LNX2: variants seen among roughly 807,000 people sequenced by gnomAD.
LNX2 encodes the protein ligand of numb-protein X 2, also known as ligand of Numb protein X 2.
Under a neutral mutation model 66.2 loss-of-function variants are expected in LNX2, and 35 were observed. The ratio of observed to expected loss-of-function variants is 0.53; its 90% confidence interval spans 0.40 to 0.70. The LOEUF is 0.70. Ranked by LOEUF, LNX2 falls within the 30% of genes least tolerant of loss-of-function variation. LNX2 has a pLI of 0.00. For missense variants in LNX2, 791 were observed against 850.8 expected (o/e 0.93, Z 0.87); for synonymous variants, 337 against 315.6 (o/e 1.07, Z -0.72).
chr13:27,547,941 T>C lies in LNX2; in HGVS notation c.*394A>G, dbSNP rs1462729859. On this transcript the variant is annotated 3_prime_UTR_variant, in exon 10 of 10. Coordinates refer to ENST00000316334, the MANE Select transcript of LNX2 (RefSeq NM_153371.4). ...TGACAGTGGCAGTACACGCTGTTGT[T>C]ACTGGCTTTGCTGACATCAGGCCTG... 5.4e-6 allele frequency: 1 copy of C among 183,910 alleles called. No individual in the cohort carries two copies. The highest frequency in any genetic ancestry group is 1.2e-5 in the Non-Finnish European group (1 of 86,876). 11.4% of individuals were successfully genotyped at this position (183,910 alleles called of 1,614,324 possible).
intron 1 of LNX2, among the ~76,000 whole-genome samples, chr13:27,616,131 T>G (rs1176094089): frequency 8.5e-6 from 1 of 118,330 alleles, no homozygotes; most frequent in Non-Finnish European, 1.6e-5. Context: ...AGAAATACAT[T>G]GGTTTGGTCC....
Position 27,562,787 on chromosome 13 carries a change from A to G in LNX2, c.856-6T>C. 6.3e-7 allele frequency: 1 copy of G among 1,593,130 alleles called. No homozygotes were observed. The highest frequency in any genetic ancestry group is 8.6e-7 in the Non-Finnish European group (1 of 1,168,056). Reference sequence around the variant, plus strand: ...CTGATATTGTAGTTGTTGACCTAGAAAAAAAGAATTGTGACCGAAGTGTGA... The same window carrying G: ...CTGATATTGTAGTTGTTGACCTAGAGAAAAAGAATTGTGACCGAAGTGTGA... On this transcript the variant is annotated splice_polypyrimidine_tract_variant and splice_region_variant and intron_variant, in intron 4 of 9. Transcript: ENST00000316334.
Position 27,594,233 on chromosome 13 carries a change from T to C in LNX2, c.-100-12430A>G, listed in dbSNP as rs140155925. On this transcript the variant is annotated intron_variant, in intron 1 of 9. Coordinates refer to ENST00000316334, the MANE Select transcript of LNX2 (RefSeq NM_153371.4). Reference sequence around the variant, plus strand: ...AGCTAAATTAAACATATGATTATTATCCTTAGTTATCTTGTGAAGTGTCTG... The same window carrying C: ...AGCTAAATTAAACATATGATTATTACCCTTAGTTATCTTGTGAAGTGTCTG... Among the ~76,000 whole-genome samples the C allele has an allele frequency of 3.3e-4, 51 of 152,334 alleles. No homozygotes were observed. In the East Asian group the frequency reaches 9.8e-3, roughly 29 times the overall value.
intron 8 of LNX2, among the ~76,000 whole-genome samples, chr13:27,551,153 C>T (rs928993976): frequency 1.3e-5 from 2 of 151,710 alleles, no homozygotes; most frequent in African/African-American, 4.8e-5. Flanking sequence ...CTGGGTACAG[C>T]GTCATGTGTC....
At chr13:27,605,071 G>T (rs186227597) in intron 1 of LNX2, among the ~76,000 whole-genome samples, 1 of 151,970 alleles carries the variant, frequency 6.6e-6, no homozygotes, top group Non-Finnish European at 1.5e-5. Context: ...TGCTTTTTCC[G>T]GGTCCAGTCT....
intron 1 of LNX2, among the ~76,000 whole-genome samples, chr13:27,616,860 C>T (rs984586857): frequency 6.6e-6 from 1 of 152,220 alleles, no homozygotes; most frequent in African/African-American, 2.4e-5. Context: ...AGCGATTTCT[C>T]CTGCCTCAGC....
chr13:27,551,804 G>T (rs1593236860), intron 8 of LNX2, among the ~76,000 whole-genome samples: 1 of 152,226 alleles, frequency 6.6e-6, no homozygotes, highest in African/African-American at 2.4e-5. Flanking sequence ...GACAGTGTTG[G>T]TTATTTTCCT....
At chr13:27,565,665 G>A (rs1167459126) in intron 4 of LNX2, among the ~76,000 whole-genome samples, 1 of 152,172 alleles carries the variant, frequency 6.6e-6, no homozygotes, top group Non-Finnish European at 1.5e-5. Flanking sequence ...AGCTGGATTA[G>A]TTATGTTCCT....
intron 4 of LNX2, among the ~76,000 whole-genome samples, chr13:27,564,896 G>A (rs1225298771): frequency 1.3e-5 from 2 of 152,144 alleles, no homozygotes; most frequent in Admixed American, 1.3e-4. Flanking sequence ...TCCATATGTG[G>A]GAAAGGGGGG....
chr13:27,593,787 G>C (rs1216091213), intron 1 of LNX2, among the ~76,000 whole-genome samples: 2 of 148,006 alleles, frequency 1.4e-5, no homozygotes, highest in African/African-American at 5.0e-5. Flanking sequence ...GTAGGGACAA[G>C]GTTTCACCTT....
At chr13:27,614,190 G>A (rs536233147) in intron 1 of LNX2, among the ~76,000 whole-genome samples, 34 of 152,198 alleles carry the variant, frequency 2.2e-4, no homozygotes, top group Non-Finnish European at 4.4e-4. Flanking sequence ...GAGGGACCAC[G>A]AAGCTAGGCA....
At chr13:27,583,247 T>C (rs375129921) in intron 1 of LNX2, among the ~76,000 whole-genome samples, 30,022 of 43,964 alleles carry the variant, frequency 0.68, 11,936 homozygotes, top group Admixed American at 0.75. Context: ...TGTGTGTGTG[T>C]GTGTGTGTGC....
chr13:27,590,711 T>C (rs972021727), intron 1 of LNX2, among the ~76,000 whole-genome samples: 16 of 152,116 alleles, frequency 1.1e-4, no homozygotes, highest in African/African-American at 3.6e-4. Context: ...TTTTCTCCAA[T>C]AAATGCAAAA....
chr13:27,609,868 A>C (rs781555615), intron 1 of LNX2, among the ~76,000 whole-genome samples: 6 of 152,240 alleles, frequency 3.9e-5, no homozygotes, highest in Non-Finnish European at 8.8e-5. Context: ...AACAGAAAAG[A>C]AATTCAAATG....
chr13:27,589,903 G>A (rs921636512), intron 1 of LNX2, among the ~76,000 whole-genome samples: 4 of 152,190 alleles, frequency 2.6e-5, no homozygotes, highest in African/African-American at 4.8e-5. Context: ...CCTCCAACAC[G>A]TGGGCTTTCT....
At chr13:27,599,655 A>G (rs1355957403) in intron 1 of LNX2, among the ~76,000 whole-genome samples, 3 of 152,230 alleles carry the variant, frequency 2.0e-5, no homozygotes, top group South Asian at 2.1e-4. Context: ...AAGTAAAACA[A>G]TAACAAAGGT....
intron 1 of LNX2, among the ~76,000 whole-genome samples, chr13:27,616,787 T>A (rs1955832686): frequency 6.6e-6 from 1 of 152,232 alleles, no homozygotes; most frequent in Admixed American, 6.5e-5. Flanking sequence ...TCTAGCTCTA[T>A]CACCCAGGCT....
At chr13:27,560,781 A>C (rs975282144) in intron 5 of LNX2, among the ~76,000 whole-genome samples, 1 of 152,026 alleles carries the variant, frequency 6.6e-6, no homozygotes, top group Non-Finnish European at 1.5e-5. Flanking sequence ...CTTGGTCATG[A>C]CCACAATGCC....
chr13:27,553,154 A>G, intron 8 of LNX2, 54 bp downstream of exon 8: 1 of 1,444,990 alleles, frequency 6.9e-7, no homozygotes, highest in South Asian at 1.1e-5. Context: ...CACACTGATA[A>G]GGGCTGCAAG....
Sources: allele counts gnomAD v4.1 joint callset (sites outside exome capture counted in the v4.1 genomes callset), GRCh38; gene constraint gnomAD v4.1.1; transcripts MANE v1.5; gene names NCBI Gene and HGNC (gene_info 2026-07-23, HGNC 2026-07-21).